Variants in MACROH2A2 observed in about 807,000 individuals in gnomAD.
The protein encoded by MACROH2A2 is core histone macro-H2A.2.
Under a neutral mutation model 37.6 loss-of-function variants are expected in MACROH2A2, and 6 were observed. The observed-to-expected ratio is 0.16, with a 90% CI of 0.09 to 0.32. MACROH2A2 has a LOEUF of 0.32. MACROH2A2 is among the 10% of genes least tolerant of loss of function. The pLI is 1.00. For missense variants in MACROH2A2, 290 were observed against 485.9 expected (o/e 0.60, Z 3.79); for synonymous variants, 192 against 202.7 (o/e 0.95, Z 0.45).
At chr10:70,055,357 G>C (rs371450318) in intron 1 of MACROH2A2, among the ~76,000 whole-genome samples, 107 of 152,332 alleles carry the variant, frequency 7.0e-4, no homozygotes, top group African/African-American at 2.5e-3. Flanking sequence ...CAAAGAACTT[G>C]TGGTTAGAGA....
chr10:70,108,067 A>T (rs76487836), intron 7 of MACROH2A2, among the ~76,000 whole-genome samples: 4,346 of 152,122 alleles, frequency 0.029, 254 homozygotes, highest in East Asian at 0.19. Flanking sequence ...AAAAAATTTT[A>T]AAAATTAGCA....
chr10:70,056,082 C>G (rs182779726), intron 1 of MACROH2A2, among the ~76,000 whole-genome samples: 1 of 152,204 alleles, frequency 6.6e-6, no homozygotes, highest in Admixed American at 6.5e-5. Context: ...AATTATACAT[C>G]TCTATAAGTA....
intron 7 of MACROH2A2, among the ~76,000 whole-genome samples, chr10:70,101,060 TG>T (rs1333798298): frequency 6.6e-6 from 1 of 152,098 alleles, no homozygotes; most frequent in African/African-American, 2.4e-5. Context: ...CACCAGGTCA[TG>T]GGGGTGACAA....
chr10:70,110,550 C>T (rs530491919), intron 8 of MACROH2A2, among the ~76,000 whole-genome samples: 3 of 152,160 alleles, frequency 2.0e-5, no homozygotes, highest in Non-Finnish European at 4.4e-5. Context: ...GAATGGCTAG[C>T]ATTTTTAAAG....
At chr10:70,110,416 G>A (rs555071420) in intron 8 of MACROH2A2, among the ~76,000 whole-genome samples, 3 of 152,356 alleles carry the variant, frequency 2.0e-5, no homozygotes, top group African/African-American at 7.2e-5. Context: ...AAGGACTTAC[G>A]AAGACAGGTT....
At position 70,080,370 on chromosome 10, in the gene MACROH2A2, G is replaced by A. The variant is rs539849956; in HGVS notation, c.172+4540G>A. ...GAATGGTGCCTGTACCTGAAGTAGG[G>A]AGCAATGGATGAGAACCAGGCTGCA... On this transcript the variant is annotated intron_variant, in intron 2 of 8. Transcript: ENST00000373255. Among the ~76,000 whole-genome samples the A allele has an allele frequency of 5.9e-5, 9 of 152,194 alleles. No homozygotes were observed. In the South Asian group the frequency reaches 1.9e-3, roughly 32 times the overall value.
Position 70,075,917 on chromosome 10 carries a change from A to G in MACROH2A2, c.172+87A>G, listed in dbSNP as rs1335556797. 1.7e-6 allele frequency: 2 copies of G among 1,182,242 alleles called. No homozygotes were observed. Among genetic ancestry groups the G allele is most frequent in the Non-Finnish European group, 2.4e-6 (2 of 828,892 alleles). 73.2% of individuals were successfully genotyped at this position (1,182,242 alleles called of 1,614,324 possible). On this transcript the variant is annotated intron_variant, in intron 2 of 8. Transcript: ENST00000373255. This position sits in a 1 kb window ranked among gnomAD's most constrained non-coding sequence, Gnocchi z 5.0. ...CTCGCAGGCTGGGGAGGGATGCTCCAAATTGCCTTTTGGCTGGCTCAAGGC... is the reference window on the plus strand; with the variant it reads ...CTCGCAGGCTGGGGAGGGATGCTCCGAATTGCCTTTTGGCTGGCTCAAGGC...
chr10:70,064,739 T>C lies in MACROH2A2; in HGVS notation c.-59-10861T>C, dbSNP rs527939014. Among the ~76,000 whole-genome samples the C allele has an allele frequency of 1.2e-3, 178 of 152,360 alleles. 2 individuals carry two copies. Among genetic ancestry groups the C allele is most frequent in the African/African-American group, 4.0e-3 (168 of 41,588 alleles). On this transcript the variant is annotated intron_variant, in intron 1 of 8. Coordinates refer to ENST00000373255, the MANE Select transcript of MACROH2A2 (RefSeq NM_018649.3). ...CTGCTGCCATGTAAGAAGTGGTTTT[T>C]GCCTCCCGCCCTGATTCTGAGGCCT...
intron 7 of MACROH2A2, among the ~76,000 whole-genome samples, chr10:70,100,863 C>T (rs1217726600): frequency 3.9e-5 from 6 of 152,146 alleles, no homozygotes; most frequent in African/African-American, 1.2e-4. Flanking sequence ...GTGATCCACC[C>T]GCCTTGGCCT....
intron 1 of MACROH2A2, among the ~76,000 whole-genome samples, chr10:70,061,232 A>G (rs902618682): frequency 2.6e-5 from 4 of 152,244 alleles, no homozygotes; most frequent in African/African-American, 7.2e-5. Flanking sequence ...AGACAAGAAG[A>G]GACCAGGCTG....
intron 2 of MACROH2A2, among the ~76,000 whole-genome samples, chr10:70,082,310 G>A (rs1252218245): frequency 1.3e-5 from 2 of 152,104 alleles, no homozygotes; most frequent in East Asian, 3.9e-4. Context: ...TCCAGCTGCC[G>A]GGGAGGCTGA....
chr10:70,090,005 C>T (rs1356882077), intron 2 of MACROH2A2, 55 bp from the exon 3 acceptor site: 2 of 1,091,724 alleles, frequency 1.8e-6, no homozygotes, highest in Admixed American at 1.7e-5. Context: ...TAAAGAAAAG[C>T]TTTAGCTCAG....
intron 6 of MACROH2A2, among the ~76,000 whole-genome samples, chr10:70,097,541 G>A (rs1265492642): frequency 6.6e-6 from 1 of 152,142 alleles, no homozygotes; most frequent in Non-Finnish European, 1.5e-5. Flanking sequence ...GAAAAGTCAA[G>A]CATACACAAA....
At position 70,092,220 on chromosome 10, in the gene MACROH2A2, G is replaced by A. The variant is rs546357231; in HGVS notation, c.477+266G>A. Among the ~76,000 whole-genome samples, 8 of 152,322 alleles carry A rather than the reference G, an allele frequency of 5.3e-5. No individual in the cohort carries two copies. The South Asian group carries it at 1.5e-3, about 28-fold the overall frequency. On this transcript the variant is annotated intron_variant, in intron 4 of 8. Coordinates refer to ENST00000373255, the MANE Select transcript of MACROH2A2 (RefSeq NM_018649.3). ...GTCATCTACCAGGAAGTGAGCCCTT[G>A]CCAGACACAGAACCTGCCTGCGCCA...
intron 1 of MACROH2A2, among the ~76,000 whole-genome samples, chr10:70,054,103 G>A (rs990712187): frequency 6.6e-6 from 1 of 152,350 alleles, no homozygotes; most frequent in African/African-American, 2.4e-5. Context: ...AATGGCCAAA[G>A]GGGCATTGGT....
At chr10:70,101,554 C>G (rs572098311) in intron 7 of MACROH2A2, among the ~76,000 whole-genome samples, 1 of 152,276 alleles carries the variant, frequency 6.6e-6, no homozygotes, top group Admixed American at 6.5e-5. Context: ...GGACATGTTC[C>G]AAGACTCTTT....
At chr10:70,068,408 C>T (rs1208557016) in intron 1 of MACROH2A2, among the ~76,000 whole-genome samples, 3 of 152,028 alleles carry the variant, frequency 2.0e-5, no homozygotes, top group African/African-American at 7.3e-5. Context: ...ATCGTACTAG[C>T]CATATGGGAA....
chr10:70,078,033 G>A (rs1260716330), intron 2 of MACROH2A2, among the ~76,000 whole-genome samples: 2 of 152,186 alleles, frequency 1.3e-5, no homozygotes, highest in East Asian at 3.8e-4. Context: ...CAATATTTGT[G>A]TGATGAAAAT....
intron 7 of MACROH2A2, among the ~76,000 whole-genome samples, chr10:70,103,042 C>T (rs1416367063): frequency 6.6e-6 from 1 of 152,146 alleles, no homozygotes; most frequent in East Asian, 1.9e-4. Flanking sequence ...CAAGGGGCTG[C>T]ATGAGACTCT....
Sources: gnomAD v4.1 joint callset for allele counts (sites outside exome capture counted in the v4.1 genomes callset) on GRCh38, gnomAD v4.1.1 for gene constraint, Gnocchi (gnomAD v3.1) non-coding constraint, MANE v1.5 for transcripts, NCBI Gene and HGNC (gene_info 2026-07-23, HGNC 2026-07-21) for gene names.